The following ZRANB3 variants were observed in gnomAD, a reference collection of about 807,000 sequenced individuals.
ZRANB3 encodes zinc finger RANBP2-type containing 3, also known as DNA annealing helicase and endonuclease ZRANB3.
In ZRANB3, 125 loss-of-function variants were observed where a neutral mutation model predicts 133.8. The ratio of observed to expected loss-of-function variants is 0.93; its 90% CI spans 0.81 to 1.08. The LOEUF (loss-of-function observed/expected upper bound fraction) is 1.08. Ranked by LOEUF, ZRANB3 falls within the 50% of genes least tolerant of loss-of-function variation. The probability of loss-of-function intolerance (pLI) is 0.00; values close to 1 mark genes in which losing one functional copy is unlikely to be tolerated. For missense variants in ZRANB3, 1,229 were observed against 1,275.5 expected, an observed-to-expected ratio of 0.96 and a Z score of 0.56; for synonymous variants, 387 against 432.7, an observed-to-expected ratio of 0.89 and a Z score of 1.31.
At chr2:135,378,652 A>G (rs1686539926) in intron 3 of ZRANB3, among the ~76,000 whole-genome samples, 2 of 151,732 alleles carry the variant, frequency 1.3e-5, no homozygotes, top group Admixed American at 6.6e-5. Flanking sequence ...AAGCCAGGTG[A>G]TTGGGATTAA....
chr2:135,293,755 T>G (rs1200730280), intron 8 of ZRANB3, among the ~76,000 whole-genome samples: 2 of 150,396 alleles, frequency 1.3e-5, no homozygotes, highest in Admixed American at 6.6e-5. Context: ...CTCTTATTAT[T>G]TTGAGATAAA....
chr2:135,208,289 A>G (rs1693963300), intron 18 of ZRANB3, among the ~76,000 whole-genome samples: 2 of 152,160 alleles, frequency 1.3e-5, no homozygotes, highest in African/African-American at 4.8e-5. Flanking sequence ...CACAGGAAAT[A>G]GAGTCACAGC....
intron 12 of ZRANB3, among the ~76,000 whole-genome samples, chr2:135,242,676 T>C (rs1396209534): frequency 6.6e-6 from 1 of 152,152 alleles, no homozygotes; most frequent in Non-Finnish European, 1.5e-5. Flanking sequence ...TATCTTATCT[T>C]TCTAGATCTC....
chr2:135,250,438 G>A (rs1457180003), intron 12 of ZRANB3, among the ~76,000 whole-genome samples: 1 of 152,234 alleles, frequency 6.6e-6, no homozygotes, highest in Non-Finnish European at 1.5e-5. Flanking sequence ...GGAGCCTAAT[G>A]TTAATCCCCA....
intron 12 of ZRANB3, among the ~76,000 whole-genome samples, chr2:135,252,399 C>T (rs1410085687): frequency 1.3e-5 from 2 of 151,780 alleles, no homozygotes; most frequent in Admixed American, 6.6e-5. Context: ...GAAAAAAATC[C>T]CATGACATCA....
chr2:135,259,787 T>C (rs893746251), intron 12 of ZRANB3, among the ~76,000 whole-genome samples: 12 of 152,122 alleles, frequency 7.9e-5, no homozygotes, highest in African/African-American at 2.9e-4. Flanking sequence ...TTTTTTTTTT[T>C]GGCTCACCTA....
At chr2:135,398,521 C>CTTTTT in intron 2 of ZRANB3, among the ~76,000 whole-genome samples, 1 of 123,910 alleles carries the variant, frequency 8.1e-6, no homozygotes, top group Admixed American at 8.5e-5. Flanking sequence ...TCTTTTGTCA[C>CTTTTT]TTTTTTTTTT....
chr2:135,528,829 T>C (rs925591242), intron 1 of ZRANB3, among the ~76,000 whole-genome samples: 2 of 151,816 alleles, frequency 1.3e-5, no homozygotes, highest in African/African-American at 4.9e-5. Flanking sequence ...CCATCTTACT[T>C]TGTATACAAA....
At chr2:135,485,731 G>A (rs905953384) in intron 2 of ZRANB3, among the ~76,000 whole-genome samples, 1 of 152,182 alleles carries the variant, frequency 6.6e-6, no homozygotes, top group Non-Finnish European at 1.5e-5. Context: ...GTATATTAAA[G>A]CTCTGTTTAC....
chr2:135,459,775 G>T lies in ZRANB3; in HGVS notation c.161+44554C>A, dbSNP rs537251875. On this transcript the variant is annotated intron_variant, in intron 2 of 20. Coordinates refer to ENST00000264159, the MANE Select transcript of ZRANB3 (RefSeq NM_032143.4). ...CAGAATGACAACATAAATTTCTGGGGTACCAACTCTGAAAACAACTAAGAA... is the reference window on the plus strand; with the variant it reads ...CAGAATGACAACATAAATTTCTGGGTTACCAACTCTGAAAACAACTAAGAA... 2.0e-5 allele frequency among the ~76,000 whole-genome samples: 3 copies of T among 151,906 alleles called. No individual in the cohort carries two copies. The South Asian group carries it at 6.3e-4, about 32-fold the overall frequency.
chr2:135,386,941 G>A (rs1017770324), intron 3 of ZRANB3, among the ~76,000 whole-genome samples: 1 of 150,018 alleles, frequency 6.7e-6, no homozygotes, highest in Non-Finnish European at 1.5e-5. Flanking sequence ...GTATACCTAT[G>A]TAACAAACCT....
chr2:135,275,622 A>C lies in ZRANB3; in HGVS notation c.1086+14T>G. 1 of 1,563,006 alleles carries C rather than the reference A, an allele frequency of 6.4e-7. No homozygotes were observed. ...GCATTCTAAAAAGTATTTAGTTAAA[A>C]AATGGCAACATACCTTATTTTCGAT... On this transcript the variant is annotated intron_variant, in intron 9 of 20. Coordinates refer to ENST00000264159, the MANE Select transcript of ZRANB3 (RefSeq NM_032143.4).
chr2:135,413,995 A>C (rs1026297696), intron 2 of ZRANB3, among the ~76,000 whole-genome samples: 1 of 152,162 alleles, frequency 6.6e-6, no homozygotes, highest in Non-Finnish European at 1.5e-5. Context: ...ACCGTGGCAA[A>C]ATCATGCCAA....
At chr2:135,280,914 T>C (rs1681076148) in intron 8 of ZRANB3, among the ~76,000 whole-genome samples, 1 of 152,190 alleles carries the variant, frequency 6.6e-6, no homozygotes, top group Non-Finnish European at 1.5e-5. Context: ...CCCAGTCTTA[T>C]AGGAACCCCA....
Position 135,342,929 on chromosome 2 carries a change from C to T in ZRANB3, c.677+2621G>A, listed in dbSNP as rs185548517. 2.1e-5 allele frequency among the ~76,000 whole-genome samples: 3 copies of T among 141,242 alleles called. No homozygotes were observed. The East Asian group carries it at 6.0e-4, about 28-fold the overall frequency. The allele number at this position is 141,242 out of a possible 152,430, so 92.7% of individuals were successfully genotyped here. On this transcript the variant is annotated intron_variant, in intron 6 of 20. Coordinates refer to ENST00000264159, the MANE Select transcript of ZRANB3 (RefSeq NM_032143.4). ...CCTGTAATCCCAGCACTTTGGGAGG[C>T]TGAGGCAGGTGGATCACCTGAGGTC...
chr2:135,426,163 T>A (rs750809275), intron 2 of ZRANB3, among the ~76,000 whole-genome samples: 1 of 151,976 alleles, frequency 6.6e-6, no homozygotes, highest in African/African-American at 2.4e-5. Flanking sequence ...AAAAGACCAA[T>A]GATGAGTTCC....
At chr2:135,521,761 C>A (rs150905127) in intron 1 of ZRANB3, among the ~76,000 whole-genome samples, 3 of 152,280 alleles carry the variant, frequency 2.0e-5, no homozygotes, top group African/African-American at 7.2e-5. Context: ...TCAAAAAAGC[C>A]TTCACTTGTG....
chr2:135,418,116 TAAAAAC>T (rs1347151292), intron 2 of ZRANB3, among the ~76,000 whole-genome samples: 2 of 151,682 alleles, frequency 1.3e-5, no homozygotes, highest in East Asian at 3.9e-4. Flanking sequence ...ATAATAATAA[TAAAAAC>T]AAACAACAAA....
chr2:135,291,643 A>C (rs1392352682), intron 8 of ZRANB3, among the ~76,000 whole-genome samples: 5 of 151,688 alleles, frequency 3.3e-5, no homozygotes, highest in Non-Finnish European at 7.4e-5. Flanking sequence ...TGTGCACAAC[A>C]TACAGGTTTG....
Sources: gnomAD v4.1 joint callset for allele counts (sites outside exome capture counted in the v4.1 genomes callset) on GRCh38, gnomAD v4.1.1 for gene constraint, MANE v1.5 for transcripts, NCBI Gene and HGNC (gene_info 2026-07-23, HGNC 2026-07-21) for gene names.